AFF3: variants seen among roughly 807,000 people sequenced by gnomAD.
The protein encoded by AFF3 is AF4/FMR2 family member 3.
AFF3 carries 32 observed loss-of-function variants against 129.7 expected under a neutral mutation model. That is an observed-to-expected ratio of 0.25 (90% confidence interval 0.19 to 0.33). AFF3 has a LOEUF of 0.33. Ranked by LOEUF, AFF3 falls within the 10% of genes least tolerant of loss-of-function variation. AFF3 has a pLI of 1.00. For missense variants in AFF3, 1,373 were observed against 1,592.0 expected (o/e 0.86, Z 2.34); for synonymous variants, 644 against 635.4 (o/e 1.01, Z -0.20).
chr2:100,037,201 T>C (rs1013616368), intron 4 of AFF3, among the ~76,000 whole-genome samples: 1 of 151,822 alleles, frequency 6.6e-6, no homozygotes, highest in Non-Finnish European at 1.5e-5. Flanking sequence ...GGTCCAAGAA[T>C]AAACAAGTTA....
intron 9 of AFF3, among the ~76,000 whole-genome samples, chr2:99,750,885 GATTAA>G (rs1280537648): frequency 5.3e-5 from 8 of 152,124 alleles, no homozygotes; most frequent in Non-Finnish European, 1.0e-4. Context: ...AAAGGAATCT[GATTAA>G]ATTATGGTAA....
chr2:99,672,740 T>A, intron 11 of AFF3, 151 bp from the exon 12 acceptor site: 1 of 747,596 alleles, frequency 1.3e-6, no homozygotes, highest in South Asian at 1.9e-5. Context: ...TTCCTTCTTA[T>A]GCACTTTTCC....
chr2:100,105,247 C>A (rs1691195471), intron 3 of AFF3: 1 of 1,094,902 alleles, frequency 9.1e-7, no homozygotes, highest in African/African-American at 1.7e-5. Flanking sequence ...CCGCGGGCGG[C>A]GGACCCGGGT....
intron 4 of AFF3, among the ~76,000 whole-genome samples, chr2:100,063,067 A>G (rs1373639336): frequency 2.6e-5 from 4 of 152,154 alleles, no homozygotes; most frequent in Admixed American, 6.5e-5. Flanking sequence ...CCTGGCCAAC[A>G]TGGTGAAACC....
chr2:99,800,058 A>C (rs1411237668), intron 8 of AFF3, among the ~76,000 whole-genome samples: 3 of 152,188 alleles, frequency 2.0e-5, no homozygotes, highest in African/African-American at 7.2e-5. Context: ...AAGAACCATA[A>C]ATTAAAAAAT....
At chr2:99,753,977 A>G (rs776004213) in intron 8 of AFF3, among the ~76,000 whole-genome samples, 2 of 152,170 alleles carry the variant, frequency 1.3e-5, no homozygotes, top group Non-Finnish European at 2.9e-5. Flanking sequence ...ATCTTTGTCC[A>G]TGGAGTCAAG....
intron 7 of AFF3, among the ~76,000 whole-genome samples, chr2:99,873,356 T>C (rs1208845140): frequency 1.3e-5 from 2 of 152,250 alleles, no homozygotes; most frequent in East Asian, 1.9e-4. Context: ...CCATTGTTTT[T>C]ACATCTATCT....
At chr2:99,857,358 TA>T (rs777407841) in intron 7 of AFF3, among the ~76,000 whole-genome samples, 2 of 152,252 alleles carry the variant, frequency 1.3e-5, no homozygotes, top group Non-Finnish European at 2.9e-5. Flanking sequence ...GAATAATTTT[TA>T]ATTCTAAAAT....
At chr2:100,037,803 T>C (rs1685090057) in intron 4 of AFF3, among the ~76,000 whole-genome samples, 1 of 137,190 alleles carries the variant, frequency 7.3e-6, no homozygotes, top group African/African-American at 2.7e-5. Context: ...TAAAAATATA[T>C]AATATATAAA....
intron 11 of AFF3, among the ~76,000 whole-genome samples, chr2:99,707,837 C>T (rs561010615): frequency 6.6e-6 from 1 of 152,004 alleles, no homozygotes; most frequent in African/African-American, 2.4e-5. Context: ...TGCCAGAATT[C>T]ATTCTTATTT....
chr2:99,586,113 C>T (rs767780598), intron 16 of AFF3, among the ~76,000 whole-genome samples: 21 of 152,208 alleles, frequency 1.4e-4, no homozygotes, highest in Non-Finnish European at 2.5e-4. Flanking sequence ...TGGAAGCCAC[C>T]AGATCAGCTA....
rs777976289 is a variant in AFF3 at position 100,126,957 on chromosome 2, T to A, written c.-145+2267A>T. Among the ~76,000 whole-genome samples, 6 of 152,324 alleles carry A rather than the reference T, an allele frequency of 3.9e-5. No individual in the cohort carries two copies. In the South Asian group the frequency reaches 1.0e-3, roughly 26 times the overall value. The stretch of plus-strand genomic sequence containing the variant: ...TGTTTAAAGTCTAAGATGGAAACAG[T>A]GCTGATGCATATACATTTGCTTCAA... On this transcript the variant is annotated intron_variant, in intron 2 of 24. Transcript: ENST00000672756.
At chr2:99,568,808 A>C (rs1676216612) in intron 19 of AFF3, 44 bp downstream of exon 19, 3 of 1,574,624 alleles carry the variant, frequency 1.9e-6, no homozygotes, top group South Asian at 2.2e-5. Context: ...GCTGCAGTAC[A>C]CACATAATTT....
intron 4 of AFF3, among the ~76,000 whole-genome samples, chr2:100,039,611 T>C (rs1194976053): frequency 6.6e-6 from 1 of 152,074 alleles, no homozygotes; most frequent in Non-Finnish European, 1.5e-5. Context: ...CTGTCTCCCT[T>C]ATTAGCTCTA....
intron 7 of AFF3, among the ~76,000 whole-genome samples, chr2:99,976,961 T>C (rs1163885203): frequency 6.6e-6 from 1 of 152,144 alleles, no homozygotes; most frequent in African/African-American, 2.4e-5. Context: ...ACATGAAGGG[T>C]ACTCAGAGAG....
chr2:99,615,690 TC>T (rs1681356394), intron 13 of AFF3, among the ~76,000 whole-genome samples: 1 of 152,190 alleles, frequency 6.6e-6, no homozygotes. Context: ...AGGCGCTGCC[TC>T]TTTGGAGGCT....
chr2:99,689,559 T>C (rs995353082), intron 11 of AFF3, among the ~76,000 whole-genome samples: 4 of 150,522 alleles, frequency 2.7e-5, no homozygotes, highest in Admixed American at 2.0e-4. Context: ...GTCTGTCTCA[T>C]CTGCCTACTC....
At chr2:99,821,018 G>T (rs978034483) in intron 8 of AFF3, among the ~76,000 whole-genome samples, 2 of 151,650 alleles carry the variant, frequency 1.3e-5, no homozygotes, top group Admixed American at 6.6e-5. Context: ...GATTACAGGT[G>T]CACGCCACCA....
At chr2:99,666,784 A>G (rs1210480922) in intron 12 of AFF3, among the ~76,000 whole-genome samples, 1 of 152,220 alleles carries the variant, frequency 6.6e-6, no homozygotes, top group Non-Finnish European at 1.5e-5. Context: ...TAGACCTCAG[A>G]GCAAAGAAAA....
Sources: gnomAD v4.1 joint callset for allele counts (sites outside exome capture counted in the v4.1 genomes callset) on GRCh38, gnomAD v4.1.1 for gene constraint, MANE v1.5 for transcripts, NCBI Gene and HGNC (gene_info 2026-07-23, HGNC 2026-07-21) for gene names.